ZNF804B: variants seen among roughly 807,000 people sequenced by gnomAD.
ZNF804B encodes the protein zinc finger 804B.
In ZNF804B, 80 loss-of-function variants were observed where a neutral mutation model predicts 101.4. The ratio of observed to expected loss-of-function variants is 0.79; its 90% CI spans 0.66 to 0.95. The LOEUF is 0.95. ZNF804B is among the 40% of genes least tolerant of loss of function. The pLI is 0.00. For missense variants in ZNF804B, 1,673 were observed against 1,561.9 expected (o/e 1.07, Z -1.20); for synonymous variants, 622 against 558.8 (o/e 1.11, Z -1.59).
At chr7:89,329,781 C>A (rs1340748975) in intron 3 of ZNF804B, among the ~76,000 whole-genome samples, 1 of 151,408 alleles carries the variant, frequency 6.6e-6, no homozygotes, top group Non-Finnish European at 1.5e-5. Flanking sequence ...AATTTTAGGG[C>A]CACTGATTCT....
chr7:89,302,730 T>C (rs1481069004), intron 2 of ZNF804B, among the ~76,000 whole-genome samples: 1 of 151,910 alleles, frequency 6.6e-6, no homozygotes, highest in Non-Finnish European at 1.5e-5. Context: ...TTTTAGTAGA[T>C]TTTGTTACTA....
chr7:88,761,757 G>A (rs1018083756), intron 1 of ZNF804B, among the ~76,000 whole-genome samples: 2 of 152,300 alleles, frequency 1.3e-5, no homozygotes, highest in South Asian at 4.1e-4. Flanking sequence ...TCAGTATAAA[G>A]GGAGAATTGC....
At chr7:89,239,964 T>C (rs1562925801) in intron 2 of ZNF804B, among the ~76,000 whole-genome samples, 1 of 151,884 alleles carries the variant, frequency 6.6e-6, no homozygotes, top group Admixed American at 6.6e-5. Context: ...ATGTCATTAA[T>C]GGTATCTAAC....
chr7:88,973,822 T>C (rs1468804943), intron 1 of ZNF804B, among the ~76,000 whole-genome samples: 1 of 151,426 alleles, frequency 6.6e-6, no homozygotes, highest in Non-Finnish European at 1.5e-5. Context: ...TGTATAGCTG[T>C]TTATGTATTA....
At chr7:88,857,806 T>G (rs1791589881) in intron 1 of ZNF804B, among the ~76,000 whole-genome samples, 1 of 143,932 alleles carries the variant, frequency 6.9e-6, no homozygotes, top group Admixed American at 7.0e-5. Flanking sequence ...CCTTTCTTTC[T>G]CCTTTCCTTT....
chr7:88,845,187 G>A (rs184642676), intron 1 of ZNF804B, among the ~76,000 whole-genome samples: 26 of 152,248 alleles, frequency 1.7e-4, no homozygotes, highest in African/African-American at 5.8e-4. Flanking sequence ...AATCTATTAC[G>A]TGTTGAACTT....
At chr7:88,906,816 A>G (rs1218844818) in intron 1 of ZNF804B, among the ~76,000 whole-genome samples, 5 of 152,058 alleles carry the variant, frequency 3.3e-5, no homozygotes, top group Non-Finnish European at 7.4e-5. Context: ...AATGTATATA[A>G]TGCTGTTAAT....
intron 2 of ZNF804B, among the ~76,000 whole-genome samples, chr7:89,221,743 T>G (rs1382125485): frequency 1.5e-5 from 2 of 134,918 alleles, no homozygotes; most frequent in South Asian, 2.3e-4. Flanking sequence ...TCTATTCTAT[T>G]CTATTCTATC....
Position 89,204,543 on chromosome 7 carries a change from G to A in ZNF804B, c.109-13612G>A, listed in dbSNP as rs1391116609. On this transcript the variant is annotated intron_variant, in intron 1 of 3. Coordinates refer to ENST00000333190, the MANE Select transcript of ZNF804B (RefSeq NM_181646.5). Reference sequence around the variant, plus strand: ...TAATGATTGTAAACATGATCACTCAGTAGGTCCTGCTTTTCCGGAGGGTTG... The same window carrying A: ...TAATGATTGTAAACATGATCACTCAATAGGTCCTGCTTTTCCGGAGGGTTG... Among the ~76,000 whole-genome samples, 3 of 152,122 alleles carry A rather than the reference G, an allele frequency of 2.0e-5. No individual in the cohort carries two copies. In the East Asian group the frequency reaches 5.8e-4, roughly 29 times the overall value.
intron 1 of ZNF804B, among the ~76,000 whole-genome samples, chr7:88,977,647 T>C (rs1047991578): frequency 1.3e-5 from 2 of 151,554 alleles, no homozygotes; most frequent in Admixed American, 6.6e-5. Context: ...TTATTAGTCT[T>C]GCTGGAGTTT....
intron 1 of ZNF804B, among the ~76,000 whole-genome samples, chr7:88,982,693 T>C (rs1033111597): frequency 1.3e-5 from 2 of 152,098 alleles, no homozygotes; most frequent in Non-Finnish European, 2.9e-5. Flanking sequence ...CAAATACAAT[T>C]CTTATTCTGA....
chr7:89,144,534 A>G (rs1009036940), intron 1 of ZNF804B, among the ~76,000 whole-genome samples: 5 of 152,008 alleles, frequency 3.3e-5, no homozygotes, highest in African/African-American at 1.2e-4. Flanking sequence ...AATGGTTATC[A>G]GAGGCGGGGA....
intron 1 of ZNF804B, among the ~76,000 whole-genome samples, chr7:88,941,132 G>A (rs1362793590): frequency 6.6e-6 from 1 of 151,922 alleles, no homozygotes; most frequent in African/African-American, 2.4e-5. Flanking sequence ...CCAAAAATGT[G>A]GAGCAATAGA....
At chr7:89,216,617 TGTGCTGTTA>T (rs1788901279) in intron 1 of ZNF804B, among the ~76,000 whole-genome samples, 1 of 152,212 alleles carries the variant, frequency 6.6e-6, no homozygotes, top group Middle Eastern at 3.2e-3. Flanking sequence ...TTGGTCTAGT[TGTGCTGTTA>T]GTTAATGGTA....
At chr7:89,249,928 C>A (rs1238381567) in intron 2 of ZNF804B, among the ~76,000 whole-genome samples, 1 of 152,094 alleles carries the variant, frequency 6.6e-6, no homozygotes. Flanking sequence ...TGGTTCACAC[C>A]AGTAATCCCA....
At chr7:88,959,857 C>T (rs1017557390) in intron 1 of ZNF804B, among the ~76,000 whole-genome samples, 1 of 151,380 alleles carries the variant, frequency 6.6e-6, no homozygotes, top group Non-Finnish European at 1.5e-5. Flanking sequence ...CAGGGGAAAC[C>T]TTTTACAGGT....
chr7:88,996,391 C>T (rs1788198051), intron 1 of ZNF804B, among the ~76,000 whole-genome samples: 1 of 152,058 alleles, frequency 6.6e-6, no homozygotes, highest in African/African-American at 2.4e-5. Context: ...CATTGTTCTT[C>T]TCTTATGTTC....
chr7:89,026,835 A>C (rs1788759701), intron 1 of ZNF804B, among the ~76,000 whole-genome samples: 1 of 152,170 alleles, frequency 6.6e-6, no homozygotes, highest in Non-Finnish European at 1.5e-5. Context: ...TTGGACACCC[A>C]AATGGAGCTT....
At chr7:89,302,192 T>G (rs1790485994) in intron 2 of ZNF804B, among the ~76,000 whole-genome samples, 1 of 151,926 alleles carries the variant, frequency 6.6e-6, no homozygotes, top group African/African-American at 2.4e-5. Flanking sequence ...GTATACCAAA[T>G]ATATGATAAT....
Sources: gnomAD v4.1 joint callset for allele counts (sites outside exome capture counted in the v4.1 genomes callset) on GRCh38, gnomAD v4.1.1 for gene constraint, MANE v1.5 for transcripts, NCBI Gene and HGNC (gene_info 2026-07-23, HGNC 2026-07-21) for gene names.